The following ZNF277 variants were observed in gnomAD, a reference collection of about 807,000 sequenced individuals.
The protein encoded by ZNF277 is nuclear receptor-interacting factor 4.
In ZNF277, 55 loss-of-function variants were observed where a neutral mutation model predicts 60.7. That is an observed-to-expected ratio of 0.91 (90% CI 0.73 to 1.13). The LOEUF is 1.13. Ranked by LOEUF, ZNF277 falls within the 50% of genes most tolerant of loss-of-function variation. ZNF277 has a pLI of 0.00. For missense variants in ZNF277, 510 were observed against 523.0 expected, an observed-to-expected ratio of 0.98 and a Z score of 0.24; for synonymous variants, 178 against 179.3, an observed-to-expected ratio of 0.99 and a Z score of 0.06.
At chr7:112,308,109 A>T (rs1326417453) in intron 4 of ZNF277, among the ~76,000 whole-genome samples, 7 of 152,036 alleles carry the variant, frequency 4.6e-5, no homozygotes, top group African/African-American at 1.7e-4. Context: ...TTTGGAGTAT[A>T]TGCGAGCAAA....
chr7:112,216,721 A>G (rs1386005427), intron 1 of ZNF277, among the ~76,000 whole-genome samples: 2 of 152,228 alleles, frequency 1.3e-5, no homozygotes, highest in African/African-American at 4.8e-5. Context: ...TATCAGTAAA[A>G]GAAAGAGGAG....
At position 112,206,895 on chromosome 7, in the gene ZNF277, G is replaced by C. The variant is rs971486739; in HGVS notation, c.91+88G>C. On this transcript the variant is annotated intron_variant, in intron 1 of 11. Coordinates refer to ENST00000361822, the MANE Select transcript of ZNF277 (RefSeq NM_021994.3). Reference sequence around the variant, plus strand: ...ACGGACCTCTGGTCTGACCCTAGGAGCCCTTCAGCTCTGGGGCCACCTGGG... The same window carrying C: ...ACGGACCTCTGGTCTGACCCTAGGACCCCTTCAGCTCTGGGGCCACCTGGG... The C allele has an allele frequency of 4.3e-5, 59 of 1,364,560 alleles. 1 individual carries two copies. The Admixed American group carries it at 1.2e-3, about 27-fold the overall frequency. 84.5% of individuals were successfully genotyped at this position (1,364,560 alleles called of 1,614,324 possible). A position where few individuals can be genotyped will look rare whatever the true frequency, so the allele number is the denominator to read the frequency against.
intron 4 of ZNF277, among the ~76,000 whole-genome samples, chr7:112,303,735 C>G (rs1368746015): frequency 1.3e-5 from 2 of 151,912 alleles, no homozygotes; most frequent in African/African-American, 2.4e-5. Flanking sequence ...TACCTTTTTT[C>G]ATTGTGCTGA....
At chr7:112,269,448 C>T (rs763660877) in intron 1 of ZNF277, among the ~76,000 whole-genome samples, 4 of 151,886 alleles carry the variant, frequency 2.6e-5, no homozygotes, top group African/African-American at 9.7e-5. Flanking sequence ...TTTGGTAAAC[C>T]AAACACTATT....
chr7:112,296,882 TTTTTA>T (rs1187785988), intron 4 of ZNF277, among the ~76,000 whole-genome samples: 1 of 142,930 alleles, frequency 7.0e-6, no homozygotes, highest in Non-Finnish European at 1.5e-5. Flanking sequence ...TATTTTCTTA[TTTTTA>T]TTTTATTTAT....
At chr7:112,298,950 T>C (rs991573894) in intron 4 of ZNF277, among the ~76,000 whole-genome samples, 8 of 152,200 alleles carry the variant, frequency 5.3e-5, no homozygotes, top group African/African-American at 1.9e-4. Context: ...TTCTAGGCTC[T>C]GGGAATCTCT....
rs528197779 is a variant in ZNF277 at position 112,280,521 on chromosome 7, A to G, written c.92-6352A>G. ...TTAGGGCCAAAGCAGAATTTCCAAG[A>G]TGTTTGCCTCTTTGCTAAAAGGAGA... On this transcript the variant is annotated intron_variant, in intron 1 of 11. Coordinates refer to ENST00000361822, the MANE Select transcript of ZNF277 (RefSeq NM_021994.3). Among the ~76,000 whole-genome samples, 87 of 152,218 alleles carry G rather than the reference A, an allele frequency of 5.7e-4. 1 individual carries two copies. Among genetic ancestry groups the G allele is most frequent in the Admixed American group, 1.6e-3 (24 of 15,296 alleles).
chr7:112,302,294 C>T (rs1046159096), intron 4 of ZNF277, among the ~76,000 whole-genome samples: 2 of 151,950 alleles, frequency 1.3e-5, no homozygotes, highest in African/African-American at 4.8e-5. Flanking sequence ...AATGAAATTG[C>T]GTATCTCCCA....
intron 4 of ZNF277, among the ~76,000 whole-genome samples, chr7:112,297,953 C>A (rs1471641478): frequency 6.6e-6 from 1 of 152,146 alleles, no homozygotes; most frequent in Admixed American, 6.5e-5. Context: ...ACATATACTG[C>A]ATTTAAGTTA....
At chr7:112,249,626 C>A (rs1791159239) in intron 1 of ZNF277, among the ~76,000 whole-genome samples, 1 of 152,110 alleles carries the variant, frequency 6.6e-6, no homozygotes, top group African/African-American at 2.4e-5. Context: ...TCAGGGACCC[C>A]AAATGGAGGG....
intron 1 of ZNF277, among the ~76,000 whole-genome samples, chr7:112,268,899 GA>G (rs1219442946): frequency 6.6e-6 from 1 of 152,004 alleles, no homozygotes; most frequent in Non-Finnish European, 1.5e-5. Context: ...TTTTAATCTA[GA>G]TTTTTGAGGA....
At chr7:112,306,245 C>G (rs1461467802) in intron 4 of ZNF277, among the ~76,000 whole-genome samples, 2 of 139,354 alleles carry the variant, frequency 1.4e-5, no homozygotes, top group African/African-American at 5.3e-5. Flanking sequence ...GATGGAGTCT[C>G]GCTCTGTCAC....
chr7:112,256,929 G>A (rs1047775007), intron 1 of ZNF277, among the ~76,000 whole-genome samples: 2 of 152,156 alleles, frequency 1.3e-5, no homozygotes, highest in African/African-American at 2.4e-5. Flanking sequence ...AAAGTGGCTA[G>A]AACTGGGAAA....
intron 1 of ZNF277, among the ~76,000 whole-genome samples, chr7:112,272,551 T>C (rs1791696777): frequency 6.6e-6 from 1 of 152,224 alleles, no homozygotes; most frequent in Admixed American, 6.5e-5. Flanking sequence ...TGGAGTGCAA[T>C]GGCACAATCT....
intron 2 of ZNF277, among the ~76,000 whole-genome samples, chr7:112,292,169 G>A (rs937351680): frequency 3.3e-5 from 5 of 152,198 alleles, no homozygotes; most frequent in Non-Finnish European, 5.9e-5. Context: ...CTGATGGAAA[G>A]TAAGCATGTC....
chr7:112,276,370 A>C (rs1413928754), intron 1 of ZNF277, among the ~76,000 whole-genome samples: 2 of 152,214 alleles, frequency 1.3e-5, no homozygotes, highest in Non-Finnish European at 2.9e-5. Flanking sequence ...GCTTGCTTAT[A>C]AATTGAACAA....
chr7:112,288,380 A>G (rs1792118875), intron 2 of ZNF277: 1 of 152,180 alleles, frequency 6.6e-6, no homozygotes, highest in African/African-American at 2.4e-5. Flanking sequence ...CTCCCAGGCC[A>G]TATAAAACAT....
At chr7:112,258,058 A>T (rs996803154) in intron 1 of ZNF277, among the ~76,000 whole-genome samples, 2 of 151,202 alleles carry the variant, frequency 1.3e-5, no homozygotes, top group African/African-American at 4.8e-5. Flanking sequence ...ATATGAAATC[A>T]TTTTTTTATG....
At chr7:112,239,016 A>G (rs4730514) in intron 1 of ZNF277, among the ~76,000 whole-genome samples, 6,567 of 152,008 alleles carry the variant, frequency 0.043, 340 homozygotes, top group African/African-American at 0.13. Flanking sequence ...TGACTAAAGA[A>G]CCCTGGAGCC....
Sources: allele counts gnomAD v4.1 joint callset (sites outside exome capture counted in the v4.1 genomes callset), GRCh38; gene constraint gnomAD v4.1.1; transcripts MANE v1.5; gene names NCBI Gene and HGNC (gene_info 2026-07-23, HGNC 2026-07-21).